Variants in UNC5D observed in about 807,000 individuals in gnomAD.
The protein encoded by UNC5D is netrin receptor UNC5D.
Under a neutral mutation model 105.4 loss-of-function variants are expected in UNC5D, and 39 were observed. That is an observed-to-expected ratio of 0.37 (90% CI 0.29 to 0.48). The LOEUF (loss-of-function observed/expected upper bound fraction) is 0.48, where lower values mean the gene tolerates loss of function less well. UNC5D is among the 20% of genes least tolerant of loss of function. The pLI, the probability that UNC5D is intolerant of heterozygous loss-of-function variation, is 0.98. For missense variants in UNC5D, 991 were observed against 1,202.4 expected (o/e 0.82, Z 2.60); for synonymous variants, 452 against 450.4 (o/e 1.00, Z -0.04).
chr8:35,717,347 G>A (rs12681078), intron 8 of UNC5D, among the ~76,000 whole-genome samples: 12,709 of 152,170 alleles, frequency 0.084, 1,166 homozygotes, highest in African/African-American at 0.22. Context: ...GCTGGCATTA[G>A]TACATCTTTT....
intron 14 of UNC5D, among the ~76,000 whole-genome samples, chr8:35,764,213 A>G (rs1186203942): frequency 2.0e-5 from 3 of 152,168 alleles, no homozygotes; most frequent in African/African-American, 7.2e-5. Flanking sequence ...TCAGTTTCCA[A>G]AAGTTAAATT....
intron 1 of UNC5D, among the ~76,000 whole-genome samples, chr8:35,287,579 A>C (rs1806698797): frequency 6.6e-6 from 1 of 151,814 alleles, no homozygotes; most frequent in Admixed American, 6.6e-5. Flanking sequence ...TAATCATTTG[A>C]GTCCAGGAGT....
rs1554519166 is a variant in UNC5D at position 35,380,087 on chromosome 8, T to TTG, written c.103+144200_103+144201insTG. On this transcript the variant is annotated intron_variant, in intron 1 of 16. Transcript: ENST00000404895. Reference sequence around the variant, plus strand: ...AAAACTCTTAACCTATAATTGGGGGTGGGGGGGGGGTCGGGGAGAGAGAGA... The same window carrying TTG: ...AAAACTCTTAACCTATAATTGGGGGTTGGGGGGGGGGGTCGGGGAGAGAGAGA... Among the ~76,000 whole-genome samples the TTG allele has an allele frequency of 2.7e-4, 7 of 26,298 alleles. No individual in the cohort carries two copies. The East Asian group carries it at 5.2e-3, about 20-fold the overall frequency. The allele number at this position is 26,298 out of a possible 152,430, so 17.3% of individuals were successfully genotyped here.
At chr8:35,634,982 T>A (rs796775246) in intron 4 of UNC5D, among the ~76,000 whole-genome samples, 75 of 152,224 alleles carry the variant, frequency 4.9e-4, no homozygotes, top group African/African-American at 1.8e-3. Context: ...GTCAGGCTGG[T>A]CTTGAACTCC....
rs182543924 is a variant in UNC5D at position 35,274,466 on chromosome 8, C to T, written c.103+38579C>T. ...AGCAGATATTGGATGAAGTTCAGCA[C>T]CTCTGGTGTGTGGCCTGTGAGTGTG... On this transcript the variant is annotated intron_variant, in intron 1 of 16. Transcript: ENST00000404895. Among the ~76,000 whole-genome samples, 543 of 152,282 alleles carry T rather than the reference C, an allele frequency of 3.6e-3. 3 individuals carry two copies. Among genetic ancestry groups the T allele is most frequent in the South Asian group, 5.8e-3 (28 of 4,822 alleles).
chr8:35,332,739 G>C (rs1810721453), intron 1 of UNC5D, among the ~76,000 whole-genome samples: 1 of 152,188 alleles, frequency 6.6e-6, no homozygotes, highest in Non-Finnish European at 1.5e-5. Flanking sequence ...GCTGATTAGT[G>C]CTAAATGCGT....
At chr8:35,318,027 G>T (rs959706556) in intron 1 of UNC5D, among the ~76,000 whole-genome samples, 1 of 151,826 alleles carries the variant, frequency 6.6e-6, no homozygotes. Flanking sequence ...TCTTTTTCAA[G>T]TCTTATTGCA....
chr8:35,560,387 T>C (rs1288734442), intron 2 of UNC5D, among the ~76,000 whole-genome samples: 1 of 152,206 alleles, frequency 6.6e-6, no homozygotes, highest in African/African-American at 2.4e-5. Flanking sequence ...ATATTTCTCA[T>C]TTGTGAATAT....
At chr8:35,630,850 C>G (rs1821995382) in intron 4 of UNC5D, among the ~76,000 whole-genome samples, 2 of 152,230 alleles carry the variant, frequency 1.3e-5, no homozygotes, top group Non-Finnish European at 2.9e-5. Flanking sequence ...TTAAGCCATG[C>G]TTCTCCCAAG....
intron 11 of UNC5D, among the ~76,000 whole-genome samples, chr8:35,733,970 G>A (rs1347975209): frequency 6.6e-6 from 1 of 151,688 alleles, no homozygotes; most frequent in African/African-American, 2.4e-5. Context: ...GGGGTAGAGG[G>A]GTCTAAACCC....
intron 1 of UNC5D, among the ~76,000 whole-genome samples, chr8:35,253,632 A>G (rs1426554498): frequency 1.3e-5 from 2 of 151,768 alleles, no homozygotes; most frequent in Non-Finnish European, 2.9e-5. Flanking sequence ...GACTACAGGC[A>G]TGTGCCACCA....
At chr8:35,424,732 C>A (rs1221434007) in intron 1 of UNC5D, among the ~76,000 whole-genome samples, 2 of 152,244 alleles carry the variant, frequency 1.3e-5, no homozygotes, top group African/African-American at 2.4e-5. Context: ...CATGCCCCTG[C>A]AACCTGGGAA....
intron 1 of UNC5D, among the ~76,000 whole-genome samples, chr8:35,300,334 G>A (rs1277335675): frequency 3.3e-5 from 5 of 151,528 alleles, no homozygotes; most frequent in Admixed American, 1.3e-4. Flanking sequence ...TGTAGTTCCA[G>A]CTACTTGGAG....
intron 1 of UNC5D, among the ~76,000 whole-genome samples, chr8:35,462,588 TAACTC>T (rs148697516): frequency 0.016 from 2,466 of 152,312 alleles, 73 homozygotes; most frequent in African/African-American, 0.056. Context: ...AAAATATTCT[TAACTC>T]TAACAATAAT....
intron 9 of UNC5D, among the ~76,000 whole-genome samples, chr8:35,725,501 TG>T: frequency 6.6e-6 from 1 of 152,272 alleles, no homozygotes; most frequent in Middle Eastern, 3.4e-3. Context: ...TCACTGTCTC[TG>T]GGTGGTGCAT....
intron 13 of UNC5D, among the ~76,000 whole-genome samples, chr8:35,753,809 T>G (rs1361299617): frequency 1.3e-5 from 2 of 152,254 alleles, no homozygotes; most frequent in African/African-American, 4.8e-5. Flanking sequence ...ATAACTTTTC[T>G]GGCCCACATA....
chr8:35,664,374 A>G lies in UNC5D; in HGVS notation c.571-19173A>G, dbSNP rs61251137. ...CTAAGTCAATAATTGATTCTTGTTT[A>G]TTTGTTTGTTTGTTTGAGATGGAGC... On this transcript the variant is annotated intron_variant, in intron 4 of 16. Coordinates refer to ENST00000404895, the MANE Select transcript of UNC5D (RefSeq NM_080872.4). 6.4e-3 allele frequency among the ~76,000 whole-genome samples: 975 copies of G among 151,930 alleles called. 8 individuals are homozygous for G. Among genetic ancestry groups the G allele is most frequent in the African/African-American group, 0.021 (868 of 41,418 alleles).
chr8:35,422,388 C>T (rs564854235), intron 1 of UNC5D, among the ~76,000 whole-genome samples: 5 of 152,246 alleles, frequency 3.3e-5, no homozygotes, highest in South Asian at 2.1e-4. Context: ...TCAATCCTGG[C>T]GGAGAGAGAG....
rs751955037 is a variant in UNC5D, at chr8:35,705,976, C to A, written c.1117+15C>A. 7.7e-7 allele frequency: 1 copy of A among 1,297,742 alleles called. No individual in the cohort carries two copies. Among genetic ancestry groups the A allele is most frequent in the South Asian group, 1.3e-5 (1 of 79,990 alleles). 80.4% of individuals were successfully genotyped at this position (1,297,742 alleles called of 1,614,324 possible). On this transcript the variant is annotated intron_variant, in intron 8 of 16. Transcript: ENST00000404895. ...AAAACCCCAAAGTAAGTTATTTTTC[C>A]TCTTGTGAATATAATTTATTCTCAT...
Sources: gnomAD v4.1 joint callset for allele counts (sites outside exome capture counted in the v4.1 genomes callset) on GRCh38, gnomAD v4.1.1 for gene constraint, MANE v1.5 for transcripts, NCBI Gene and HGNC (gene_info 2026-07-23, HGNC 2026-07-21) for gene names.